ZNF554: variants seen among roughly 807,000 people sequenced by gnomAD.
The protein encoded by ZNF554 is zinc finger protein 554.
Under a neutral mutation model 21.2 loss-of-function variants are expected in ZNF554, and 15 were observed. The observed-to-expected ratio is 0.71, with a 90% confidence interval of 0.47 to 1.09. The LOEUF is 1.09. Ranked by LOEUF, ZNF554 falls within the 50% of genes least tolerant of loss-of-function variation. ZNF554 has a pLI of 0.00. For missense variants in ZNF554, 691 were observed against 662.7 expected (o/e 1.04, Z -0.47); for synonymous variants, 258 against 251.4 (o/e 1.03, Z -0.25).
rs1217607939 is a variant in ZNF554, at chr19:2,835,029, G to T, written c.*177G>T. 6.4e-6 allele frequency: 4 copies of T among 625,580 alleles called. No individual in the cohort carries two copies. Among genetic ancestry groups the T allele is most frequent in the Non-Finnish European group, 1.1e-5 (4 of 371,550 alleles). 38.8% of individuals were successfully genotyped at this position (625,580 alleles called of 1,614,324 possible). On this transcript the variant is annotated 3_prime_UTR_variant, in exon 5 of 5. Transcript: ENST00000317243. ...GTATTTTGTTGTTGTTGTTGAGATG[G>T]AGTCTGCCACCCAGGCTGGAGTCCA...
chr19:2,825,022 T>G lies in ZNF554; in HGVS notation c.126+1910T>G, dbSNP rs937877338. On this transcript the variant is annotated intron_variant, in intron 2 of 4. Coordinates refer to ENST00000317243, the MANE Select transcript of ZNF554 (RefSeq NM_001102651.2). ...GCAGTTGTTTTTTTTTTTTTTTTTT[T>G]TTTTTTTTGAGACAAGGTCTTGCTC... Among the ~76,000 whole-genome samples, 151 of 149,250 alleles carry G rather than the reference T, an allele frequency of 1.0e-3. 2 individuals are homozygous for G. Among genetic ancestry groups the G allele is most frequent in the Middle Eastern group, 6.8e-3 (2 of 294 alleles).
In ZNF554 at chr19:2,835,238, C is replaced by CTTTTTTAAT; in HGVS notation, c.*386_*387insTTTTTTAAT. ...CTATAATCCTAACACTTTAGGAGGCCGAGGCGGGTGGATCATGAGGTCAGG... is the reference window on the plus strand; with the variant it reads ...CTATAATCCTAACACTTTAGGAGGCCTTTTTTAATGAGGCGGGTGGATCATGAGGTCAGG... On this transcript the variant is annotated 3_prime_UTR_variant, in exon 5 of 5. Transcript: ENST00000317243. 1 of 172,096 alleles carries CTTTTTTAAT rather than the reference C, an allele frequency of 5.8e-6. No individual in the cohort carries two copies. Among genetic ancestry groups the CTTTTTTAAT allele is most frequent in the Admixed American group, 5.4e-5 (1 of 18,554 alleles). 10.7% of individuals were successfully genotyped at this position (172,096 alleles called of 1,614,324 possible). A position where few individuals can be genotyped will look rare whatever the true frequency, so the allele number is the denominator to read the frequency against.
At chr19:2,829,859 C>T (rs2087389495) in intron 3 of ZNF554, among the ~76,000 whole-genome samples, 1 of 152,140 alleles carries the variant, frequency 6.6e-6, no homozygotes, top group Non-Finnish European at 1.5e-5. Flanking sequence ...TCCCCAGCCC[C>T]TCCTTCAGCC....
At position 2,836,539 on chromosome 19, in the gene ZNF554, T is replaced by G. The variant is rs1438883950; in HGVS notation, c.*1687T>G. The stretch of plus-strand genomic sequence containing the variant: ...AGGGCTTCAAAATAGTACTAGTAAT[T>G]TGATCCATTCACAAAAGGACAAAGG... On this transcript the variant is annotated 3_prime_UTR_variant, in exon 5 of 5. Transcript: ENST00000317243. Among the ~76,000 whole-genome samples the G allele has an allele frequency of 6.6e-6, 1 of 152,226 alleles. No individual in the cohort carries two copies. Among genetic ancestry groups the G allele is most frequent in the African/African-American group, 2.4e-5 (1 of 41,442 alleles).
intron 3 of ZNF554, among the ~76,000 whole-genome samples, chr19:2,829,703 A>G (rs1599549756): frequency 6.6e-6 from 1 of 152,184 alleles, no homozygotes; most frequent in South Asian, 2.1e-4. Flanking sequence ...ATATCTCTAT[A>G]TAAACATAAA....
intron 1 of ZNF554, among the ~76,000 whole-genome samples, chr19:2,822,233 A>T (rs2317062): frequency 6.6e-6 from 1 of 151,466 alleles, no homozygotes; most frequent in Non-Finnish European, 1.5e-5. Flanking sequence ...TTGTATTTTT[A>T]GTAGACGAGG....
rs188246188 is a variant in ZNF554 at position 2,828,408 on chromosome 19, C to T, written c.253+665C>T. On this transcript the variant is annotated intron_variant, in intron 3 of 4. Transcript: ENST00000317243. ...TTCACACTGCTATAAAGAGTACCAC[C>T]TAGGCTGGGTGTGGTGGCTCATGCC... 6.0e-4 allele frequency among the ~76,000 whole-genome samples: 92 copies of T among 152,248 alleles called. 1 individual carries two copies. The highest frequency in any genetic ancestry group is 3.9e-3 in the Admixed American group (59 of 15,290).
At chr19:2,825,173 C>T (rs970607333) in intron 2 of ZNF554, among the ~76,000 whole-genome samples, 1 of 152,076 alleles carries the variant, frequency 6.6e-6, no homozygotes, top group African/African-American at 2.4e-5. Flanking sequence ...CCACCATACC[C>T]AGCCAATTTT....
At position 2,836,450 on chromosome 19, in the gene ZNF554, CT is replaced by C. The variant is rs2087497731; in HGVS notation, c.*1599del. On this transcript the variant is annotated 3_prime_UTR_variant, in exon 5 of 5. Transcript: ENST00000317243. ...CTAGATCCGTTTGTCTTCTGCAGTA[CT>C]GTGCTGATCCAGAGTATATGCTAAG... Among the ~76,000 whole-genome samples the C allele has an allele frequency of 6.6e-6, 1 of 152,194 alleles. No homozygotes were observed. Among genetic ancestry groups the C allele is most frequent in the East Asian group, 1.9e-4 (1 of 5,204 alleles).
intron 2 of ZNF554, among the ~76,000 whole-genome samples, chr19:2,823,383 G>A (rs2087288641): frequency 6.6e-6 from 1 of 152,130 alleles, no homozygotes; most frequent in Non-Finnish European, 1.5e-5. Context: ...TGTGGCTGTG[G>A]TACCTTTGCC....
In ZNF554 at chr19:2,821,898, C is replaced by T. The variant is rs977330610; in HGVS notation, c.54-1142C>T. 6.6e-5 allele frequency among the ~76,000 whole-genome samples: 10 copies of T among 152,054 alleles called. No homozygotes were observed. Among genetic ancestry groups the T allele is most frequent in the Admixed American group, 2.6e-4 (4 of 15,272 alleles). ...CAGGCTGGTCTCGAACTCCTGACCT[C>T]GTGGTCTGCCCGCCTTGGCCTTTCA... On this transcript the variant is annotated intron_variant, in intron 1 of 4. Transcript: ENST00000317243. The surrounding 1 kb of genome is among the most constrained non-coding windows in gnomAD (Gnocchi z 8.2).
At chr19:2,831,449 C>T (rs962662414) in intron 3 of ZNF554, 6 of 152,034 alleles carry the variant, frequency 3.9e-5, no homozygotes, top group Non-Finnish European at 8.8e-5. Flanking sequence ...CGCCTGCCAC[C>T]ACACCCGGCT....
rs757079549 is a variant in ZNF554 at position 2,834,044 on chromosome 19, G to A, written c.809G>A (p.Arg270Gln). ...CACCATCAGCTGGGATATGCAGATC[G>A]GAGACCTTGTGAAAGTAATGAATGT... ...LNHHQLGYAD[R>Q]RPCESNECGN... Residue 270 changes from arginine to glutamine, a missense_variant, in exon 5 of 5, where the codon CGG becomes CAG. Arg to Gln is a conservative substitution (Grantham distance 43, BLOSUM62 1). Transcript: ENST00000317243. The A allele has an allele frequency of 1.2e-5, 20 of 1,614,114 alleles. No individual in the cohort carries two copies. Among genetic ancestry groups the A allele is most frequent in the Middle Eastern group, 1.6e-4 (1 of 6,062 alleles).
chr19:2,830,540 T>C (rs890429755), intron 3 of ZNF554: 41 of 152,338 alleles, frequency 2.7e-4, no homozygotes, highest in African/African-American at 9.6e-4. Flanking sequence ...TGCTGGATCA[T>C]GCGGTAATTC....
At chr19:2,824,663 A>T (rs1320179857) in intron 2 of ZNF554, among the ~76,000 whole-genome samples, 1 of 152,282 alleles carries the variant, frequency 6.6e-6, no homozygotes, top group African/African-American at 2.4e-5. Context: ...GATAAAACAC[A>T]CATGAAATAC....
At position 2,832,479 on chromosome 19, in the gene ZNF554, C is replaced by T; in HGVS notation, c.430C>T (p.Gln144Ter). 6.2e-7 allele frequency: 1 copy of T among 1,605,350 alleles called. No individual in the cohort carries two copies. The highest frequency in any genetic ancestry group is 1.1e-5 in the South Asian group (1 of 89,636). Reference sequence around the variant, plus strand: ...GTGGATAGAGGAAAAAGGAACTCCTCAAGCCTCCTGTTCAGGTGAGAATCA... The same window carrying T: ...GTGGATAGAGGAAAAAGGAACTCCTTAAGCCTCCTGTTCAGGTGAGAATCA... ...ALWIEEKGTPQASCSDWMTVL... is the reference protein window; with the variant it reads ...ALWIEEKGTP Residue 144 changes from glutamine (Q) to a stop codon, truncating the protein, a stop_gained, in exon 4 of 5, where the codon CAA (glutamine) becomes TAA (stop). Transcript: ENST00000317243. LOFTEE classifies it low-confidence loss of function (END_TRUNC).
At position 2,835,395 on chromosome 19, in the gene ZNF554, C is replaced by T. The variant is rs1265012588; in HGVS notation, c.*543C>T. On this transcript the variant is annotated 3_prime_UTR_variant, in exon 5 of 5. Coordinates refer to ENST00000317243, the MANE Select transcript of ZNF554 (RefSeq NM_001102651.2). ...GCTGAGGCAGGAGAATGGTGTGAAC[C>T]CGGGAGGTGGAGCTTGCAGTGAGCC... 1.3e-5 allele frequency: 2 copies of T among 152,018 alleles called. No individual in the cohort carries two copies. The highest frequency in any genetic ancestry group is 4.9e-5 in the African/African-American group (2 of 41,030). The allele number at this position is 152,018 out of a possible 1,614,324, so 9.4% of individuals were successfully genotyped here. A position where few individuals can be genotyped will look rare whatever the true frequency, so the allele number is the denominator to read the frequency against.
intron 2 of ZNF554, 74 bp downstream of exon 2, chr19:2,823,186 C>G: frequency 6.9e-7 from 1 of 1,452,958 alleles, no homozygotes; most frequent in Non-Finnish European, 9.5e-7. Context: ...ACTCAGTCCT[C>G]GATAGAGGAG....
chr19:2,827,266 A>G (rs1238060197), intron 2 of ZNF554, among the ~76,000 whole-genome samples: 1 of 152,236 alleles, frequency 6.6e-6, no homozygotes, highest in African/African-American at 2.4e-5. Context: ...CAAGTGGCAT[A>G]TCCATGACAT....
Sources: allele counts gnomAD v4.1 joint callset (sites outside exome capture counted in the v4.1 genomes callset), GRCh38; gene constraint gnomAD v4.1.1; non-coding constraint Gnocchi (gnomAD v3.1); transcripts MANE v1.5; gene names NCBI Gene and HGNC (gene_info 2026-07-23, HGNC 2026-07-21).